Variants in ARHGAP4 observed in about 807,000 individuals in gnomAD.
ARHGAP4 encodes the protein Rho GTPase activating protein 4.
ARHGAP4 carries 25 observed loss-of-function variants against 67.6 expected under a neutral mutation model. The observed-to-expected ratio is 0.37, with a 90% CI of 0.27 to 0.52. The LOEUF (loss-of-function observed/expected upper bound fraction) is 0.52. Among genes scored for constraint, ARHGAP4 ranks in the 20% least tolerant of loss-of-function variants. The pLI, the probability that ARHGAP4 is intolerant of heterozygous loss-of-function variation, is 0.92. For missense variants in ARHGAP4, 804 were observed against 854.6 expected, an observed-to-expected ratio of 0.94 and a Z score of 0.74; for synonymous variants, 448 against 373.7, an observed-to-expected ratio of 1.20 and a Z score of -2.29.
chrX:153,921,039 G>A, intron 4 of ARHGAP4, 58 bp downstream of exon 4: 2 of 1,153,368 alleles, frequency 1.7e-6, no homozygotes, highest in Non-Finnish European at 2.3e-6. Flanking sequence ...CTCCCCCACT[G>A]TGAGTGGCAT....
At chrX:153,925,516 G>A (rs1393847562) in intron 1 of ARHGAP4, among the ~76,000 whole-genome samples, 1 of 112,823 alleles carries the variant, frequency 8.9e-6, no homozygotes, top group Non-Finnish European at 1.9e-5. Flanking sequence ...AAGCTGATTT[G>A]CATGTGATTT....
chrX:153,921,947 T>TG (rs2065098377), intron 1 of ARHGAP4, 138 bp from the exon 2 acceptor site: 2 of 873,156 alleles, frequency 2.3e-6, no homozygotes, highest in Non-Finnish European at 3.1e-6. Context: ...CAGCCTAGGC[T>TG]GAGGGCAAGA....
intron 1 of ARHGAP4, among the ~76,000 whole-genome samples, chrX:153,923,163 C>T (rs1291100274): frequency 2.7e-5 from 3 of 110,625 alleles, no homozygotes; most frequent in Non-Finnish European, 3.8e-5. Context: ...GGTCCAGCTT[C>T]GTTTTCAGGG....
At chrX:153,926,050 T>C in intron 1 of ARHGAP4, 86 bp downstream of exon 1, 7 of 1,129,027 alleles carry the variant, frequency 6.2e-6, no homozygotes, top group East Asian at 3.6e-5. Context: ...CATCGGGCCC[T>C]GGGCCAGCGC....
rs369578419 is a variant in ARHGAP4 at position 153,910,573 on chromosome X, G to C, written c.1855C>G (p.Arg619Gly). 170 of 1,206,762 alleles carry C rather than the reference G, an allele frequency of 1.4e-4. No homozygotes were observed. In the Admixed American group the frequency reaches 3.6e-3, roughly 26 times the overall value. Reference protein sequence around the residue: ...ATAERVEHVSRLLWRLPAPVL... With the variant: ...ATAERVEHVSGLLWRLPAPVL... ...GGCGCGGGCAGCCGCCACAGCAGGC[G>C]GCTCACGTGCTCCACCCTCTCCGCT... Residue 619 changes from arginine (R) to glycine (G), a missense_variant, in exon 16 of 22, where the codon CGC becomes GGC. Transcript: ENST00000350060.
In ARHGAP4 at chrX:153,921,630, T is replaced by C. The variant is rs1041920957; in HGVS notation, c.247A>G (p.Ser83Gly). 17 of 1,208,454 alleles carry C rather than the reference T, an allele frequency of 1.4e-5. No individual in the cohort carries two copies. In the African/African-American group the frequency reaches 3.0e-4, roughly 21 times the overall value. Residue 83 changes from serine to glycine, a missense_variant, in exon 2 of 22, where the codon AGC becomes GGC. Coordinates refer to ENST00000350060, the MANE Select transcript of ARHGAP4 (RefSeq NM_001666.5). Reference sequence around the variant, plus strand: ...CGGAAGCTTTGGTGCTCCCGGCTGCTCCCCAGGCGGCCTCCACGGCTGGAG... The same window carrying C: ...CGGAAGCTTTGGTGCTCCCGGCTGCCCCCCAGGCGGCCTCCACGGCTGGAG... ...RFSSRGGRLGSSREHQSFRKE... is the reference protein window; with the variant it reads ...RFSSRGGRLGGSREHQSFRKE...
rs1406234634 is a variant in ARHGAP4 at position 153,913,604 on chromosome X, C to T, written c.1135-4G>A. ...TCGCCTTCAGAGTCTTGTTCACCTG[C>T]AGAGGAGACCACACCAGGGTGGTAA... On this transcript the variant is annotated splice_region_variant and splice_polypyrimidine_tract_variant and intron_variant, in intron 8 of 21. Transcript: ENST00000350060. 4 of 1,197,954 alleles carry T rather than the reference C, an allele frequency of 3.3e-6. No homozygotes were observed. Among genetic ancestry groups the T allele is most frequent in the African/African-American group, 1.8e-5 (1 of 57,124 alleles).
intron 21 of ARHGAP4, among the ~76,000 whole-genome samples, 182 bp from the exon 22 acceptor site, chrX:153,908,144 C>G (rs1364977179): frequency 8.9e-6 from 1 of 112,275 alleles, no homozygotes; most frequent in Non-Finnish European, 1.9e-5. Flanking sequence ...GTTGGTGTCT[C>G]TGTCACAGTC....
At position 153,922,173 on chromosome X, in the gene ARHGAP4, T is replaced by C. The variant is rs964360830; in HGVS notation, c.68-364A>G. 4.0e-5 allele frequency: 35 copies of C among 876,875 alleles called. No individual in the cohort carries two copies. In the South Asian group the frequency reaches 1.3e-3, roughly 33 times the overall value. 72.3% of individuals were successfully genotyped at this position (876,875 alleles called of 1,213,427 possible). On this transcript the variant is annotated intron_variant, in intron 1 of 21. Coordinates refer to ENST00000350060, the MANE Select transcript of ARHGAP4 (RefSeq NM_001666.5). ...CCCTCGTTCCTGGAAAGCCTCTGAA[T>C]GGTTTCCCCTGCGACTTCCTTTCCC...
Position 153,926,214 on chromosome X carries a change from GGCCGCGCC to G in ARHGAP4, c.-20_-13del. The G allele has an allele frequency of 8.4e-7, 1 of 1,186,172 alleles. No homozygotes were observed. Among genetic ancestry groups the G allele is most frequent in the Non-Finnish European group, 1.1e-6 (1 of 882,771 alleles). ...CCGTGAGCGGCCATGGCGGCCTCGC[GGCCGCGCC>G]GTCGAACCCCACTGCTCCCACGCGG... On this transcript the variant is annotated 5_prime_UTR_variant, in exon 1 of 22. Transcript: ENST00000350060.
At chrX:153,911,773 G>A (rs1180253775) in intron 12 of ARHGAP4, among the ~76,000 whole-genome samples, 7 of 111,145 alleles carry the variant, frequency 6.3e-5, no homozygotes, top group African/African-American at 2.0e-4. Flanking sequence ...TTAGCCAGGT[G>A]TGATGGTGCA....
intron 17 of ARHGAP4, 26 bp downstream of exon 17, chrX:153,910,145 T>C (rs1252124147): frequency 2.5e-6 from 3 of 1,208,443 alleles, no homozygotes; most frequent in Non-Finnish European, 3.4e-6. Context: ...GACCCCCCAG[T>C]CCCCTCGGCA....
chrX:153,908,498 A>C (rs1398731833), intron 21 of ARHGAP4, among the ~76,000 whole-genome samples: 2 of 112,102 alleles, frequency 1.8e-5, no homozygotes, highest in Non-Finnish European at 3.8e-5. Context: ...CACAGGGCCC[A>C]TGGTACAGAG....
At chrX:153,912,275 G>GC (rs782743026) in intron 12 of ARHGAP4, among the ~76,000 whole-genome samples, 1 of 109,940 alleles carries the variant, frequency 9.1e-6, no homozygotes, top group East Asian at 2.9e-4. Flanking sequence ...GCCCACCTCA[G>GC]CCTCCCAAAG....
chrX:153,919,099 G>T (rs782390396), intron 6 of ARHGAP4, 46 bp from the exon 7 acceptor site: 3 of 1,208,803 alleles, frequency 2.5e-6, no homozygotes, highest in Non-Finnish European at 3.4e-6. Flanking sequence ...TGGAGCCACA[G>T]CTTCCCAGCC....
intron 12 of ARHGAP4, among the ~76,000 whole-genome samples, chrX:153,911,923 A>T (rs1234519078): frequency 1.2e-5 from 1 of 80,575 alleles, no homozygotes; most frequent in Non-Finnish European, 2.1e-5. Flanking sequence ...AAATAAAAAA[A>T]AAAAAAAAAA....
rs782223874 is a variant in ARHGAP4 at position 153,913,427 on chromosome X, G to A, written c.1308C>T (p.Thr436=). The change falls in exon 9 of 22, where the codon ACC becomes ACT. Residue 436 remains threonine, a synonymous_variant. Coordinates refer to ENST00000350060, the MANE Select transcript of ARHGAP4 (RefSeq NM_001666.5). ...TCCCCACCGTGAGGTAGAAGGTTTCGGTCTCCTGCTGCTGGCCGCGCCTCC... is the reference window on the plus strand; with the variant it reads ...TCCCCACCGTGAGGTAGAAGGTTTCAGTCTCCTGCTGCTGGCCGCGCCTCC... The part of the protein sequence containing the change: ...AGRRRGQQQE[T]ETFYLTKLQE... 554 of 1,209,147 alleles carry A rather than the reference G, an allele frequency of 4.6e-4. No homozygotes were observed. The highest frequency in any genetic ancestry group is 5.8e-4 in the African/African-American group (33 of 57,375).
chrX:153,909,766 G>T lies in ARHGAP4; in HGVS notation c.2389C>A (p.His797Asn). ...EHNGMRGLIP[H>N]KYITLPAGTE... ...CCGGCGGGCAGCGTGATATACTTGT[G>T]GGGGATGAGGCCCCGCATGCCGTTG... The change falls in exon 19 of 22, where the codon CAC becomes AAC. Residue 797 changes from histidine (H) to asparagine (N), a missense_variant. Around this residue, in one of 2 missense-constraint regions of ARHGAP4, gnomAD observed 400 missense variants for 348.7 expected, o/e 1.15. Transcript: ENST00000350060. 5.0e-6 allele frequency: 6 copies of T among 1,200,237 alleles called. No homozygotes were observed. Among genetic ancestry groups the T allele is most frequent in the Non-Finnish European group, 6.7e-6 (6 of 890,501 alleles).
rs372368545 is a variant in ARHGAP4 at position 153,910,253 on chromosome X, C to G, written c.2074G>C (p.Asp692His). ...GAGGTCAGGGGCGGGAAGACCCGAT[C>G]GGGCTGCACTATGAGCGTCTGCACC... ...QLVQTLIVQP[D>H]RVFPPLTSLP... Residue 692 changes from aspartate (D) to histidine (H), a missense_variant, in exon 17 of 22, where the codon GAT (aspartate) becomes CAT (histidine). By Grantham distance (81) the Asp-to-His change is moderately conservative. Coordinates refer to ENST00000350060, the MANE Select transcript of ARHGAP4 (RefSeq NM_001666.5). 1 of 1,209,230 alleles carries G rather than the reference C, an allele frequency of 8.3e-7. No homozygotes were observed. Among genetic ancestry groups the G allele is most frequent in the Non-Finnish European group, 1.1e-6 (1 of 894,965 alleles).
Sources: allele counts gnomAD v4.1 joint callset (sites outside exome capture counted in the v4.1 genomes callset), GRCh38; gene constraint gnomAD v4.1.1; regional missense constraint gnomAD v4.1.1; transcripts MANE v1.5; gene names NCBI Gene and HGNC (gene_info 2026-07-23, HGNC 2026-07-21).